Variants in IQCM observed in about 807,000 individuals in gnomAD.
The protein encoded by IQCM is IQ domain-containing protein M.
In IQCM, 45 loss-of-function variants were observed where a neutral mutation model predicts 57.6. The ratio of observed to expected loss-of-function variants is 0.78; its 90% CI spans 0.62 to 1.00. IQCM has a LOEUF of 1.00. IQCM is among the 50% of genes least tolerant of loss of function. IQCM has a pLI of 0.00. For synonymous variants in IQCM, 148 were observed against 158.9 expected, an observed-to-expected ratio of 0.93 and a Z score of 0.51; for missense variants, 468 against 511.6, an observed-to-expected ratio of 0.91 and a Z score of 0.82.
chr4:149,476,393 G>A (rs1051507625), intron 12 of IQCM, among the ~76,000 whole-genome samples: 2 of 152,106 alleles, frequency 1.3e-5, no homozygotes, highest in African/African-American at 2.4e-5. Flanking sequence ...GTAAGGATTT[G>A]TATTACAATA....
At chr4:149,407,159 A>G (rs1405567158) in intron 13 of IQCM, among the ~76,000 whole-genome samples, 3 of 152,004 alleles carry the variant, frequency 2.0e-5, no homozygotes, top group African/African-American at 7.3e-5. Context: ...CCATGATTCA[A>G]TTATCCCCCC....
At chr4:149,798,990 G>A (rs6813721) in intron 2 of IQCM, among the ~76,000 whole-genome samples, 2,725 of 150,988 alleles carry the variant, frequency 0.018, 87 homozygotes, top group African/African-American at 0.063. Flanking sequence ...GGATCTAATA[G>A]ATATTTACAG....
At chr4:149,549,359 CA>C (rs561288431) in intron 11 of IQCM, among the ~76,000 whole-genome samples, 2 of 150,260 alleles carry the variant, frequency 1.3e-5, no homozygotes, top group Non-Finnish European at 3.0e-5. Context: ...ACTAAAAATA[CA>C]AAAAAAAATT....
intron 8 of IQCM, among the ~76,000 whole-genome samples, chr4:149,594,783 T>A (rs1257881925): frequency 1.3e-5 from 2 of 152,330 alleles, no homozygotes; most frequent in East Asian, 1.9e-4. Flanking sequence ...AGTTTCTTAA[T>A]CCTGAGTTCT....
chr4:149,554,112 C>T (rs1749306240), intron 10 of IQCM, among the ~76,000 whole-genome samples: 2 of 151,832 alleles, frequency 1.3e-5, no homozygotes, highest in Admixed American at 6.6e-5. Flanking sequence ...TTCATTATTT[C>T]TTGTTTGTTT....
At chr4:149,811,207 G>A (rs1774536025) in intron 2 of IQCM, among the ~76,000 whole-genome samples, 1 of 152,088 alleles carries the variant, frequency 6.6e-6, no homozygotes, top group Admixed American at 6.6e-5. Flanking sequence ...TCCCTGCCAT[G>A]TACCAAAAGC....
At position 149,804,853 on chromosome 4, in the gene IQCM, G is replaced by A. The variant is rs560311395; in HGVS notation, c.-49+10458C>T. Among the ~76,000 whole-genome samples, 7 of 151,872 alleles carry A rather than the reference G, an allele frequency of 4.6e-5. 1 individual carries two copies. The highest frequency in any genetic ancestry group is 6.6e-5 in the Admixed American group (1 of 15,202). ...TTTAGTGTATTTCCCTCTTTTCCAC[G>A]GACACTTTCTGGATACAGTATAAGT... On this transcript the variant is annotated intron_variant, in intron 2 of 13. Coordinates refer to ENST00000636793, the MANE Select transcript of IQCM (RefSeq NM_001363507.2).
At chr4:149,447,277 C>T (rs1459287294) in intron 12 of IQCM, among the ~76,000 whole-genome samples, 1 of 151,512 alleles carries the variant, frequency 6.6e-6, no homozygotes, top group Non-Finnish European at 1.5e-5. Flanking sequence ...CAATGTCTGG[C>T]ATTCAATAAA....
At chr4:149,737,138 C>A (rs918870013) in intron 3 of IQCM, among the ~76,000 whole-genome samples, 11 of 152,042 alleles carry the variant, frequency 7.2e-5, no homozygotes, top group Non-Finnish European at 1.5e-4. Context: ...TAAAACTAAT[C>A]TATGGTGGAA....
intron 12 of IQCM, among the ~76,000 whole-genome samples, chr4:149,435,197 C>T (rs747776964): frequency 1.3e-5 from 2 of 152,090 alleles, no homozygotes; most frequent in Non-Finnish European, 2.9e-5. Flanking sequence ...ACTTTTCCTG[C>T]TTAAATTACT....
chr4:149,661,170 A>G, intron 7 of IQCM, among the ~76,000 whole-genome samples: 1 of 152,076 alleles, frequency 6.6e-6, no homozygotes, highest in East Asian at 1.9e-4. Flanking sequence ...TCAGGAAATG[A>G]TGTTGAATTT....
intron 13 of IQCM, among the ~76,000 whole-genome samples, chr4:149,388,531 T>TAG (rs1553958777): frequency 7.8e-6 from 1 of 128,776 alleles, no homozygotes; most frequent in African/African-American, 3.1e-5. Context: ...ATTATATATA[T>TAG]TATATATTAT....
intron 13 of IQCM, among the ~76,000 whole-genome samples, chr4:149,367,389 T>C (rs1261101874): frequency 6.6e-6 from 1 of 152,016 alleles, no homozygotes; most frequent in Non-Finnish European, 1.5e-5. Flanking sequence ...GAGTGTTTAG[T>C]AAATATTTGA....
intron 10 of IQCM, among the ~76,000 whole-genome samples, chr4:149,555,438 A>G (rs1277659785): frequency 1.3e-5 from 2 of 152,170 alleles, no homozygotes; most frequent in Non-Finnish European, 1.5e-5. Flanking sequence ...TAATGCTTTT[A>G]AGAGTGAAAC....
intron 8 of IQCM, among the ~76,000 whole-genome samples, chr4:149,603,727 A>G (rs994376701): frequency 6.6e-6 from 1 of 152,174 alleles, no homozygotes; most frequent in Admixed American, 6.5e-5. Flanking sequence ...AGTTAAAAAA[A>G]AAAAGTCAAC....
intron 2 of IQCM, among the ~76,000 whole-genome samples, chr4:149,799,265 T>G (rs957092854): frequency 1.3e-5 from 2 of 151,500 alleles, no homozygotes; most frequent in Non-Finnish European, 3.0e-5. Flanking sequence ...ATGAAGAAAT[T>G]AATAAGGAAA....
intron 12 of IQCM, among the ~76,000 whole-genome samples, chr4:149,498,574 G>A (rs1286795100): frequency 6.6e-6 from 1 of 152,108 alleles, no homozygotes; most frequent in Non-Finnish European, 1.5e-5. Flanking sequence ...AACTAAGAGG[G>A]GCTATGTAGG....
At chr4:149,632,897 C>T (rs1322282844) in intron 7 of IQCM, among the ~76,000 whole-genome samples, 1 of 151,458 alleles carries the variant, frequency 6.6e-6, no homozygotes. Context: ...CGCGGTGGCT[C>T]ACGCCTGTAA....
At chr4:149,524,537 G>C (rs1052629653) in intron 12 of IQCM, among the ~76,000 whole-genome samples, 1 of 151,956 alleles carries the variant, frequency 6.6e-6, no homozygotes, top group African/African-American at 2.4e-5. Flanking sequence ...AGGAGAACTA[G>C]AGTGATAGCT....
Sources: allele counts gnomAD v4.1 joint callset (sites outside exome capture counted in the v4.1 genomes callset), GRCh38; gene constraint gnomAD v4.1.1; transcripts MANE v1.5; gene names NCBI Gene and HGNC (gene_info 2026-07-23, HGNC 2026-07-21).